Variants in PCDHGB1 observed in about 807,000 individuals in gnomAD.
The protein encoded by PCDHGB1 is protocadherin gamma-B1.
Under a neutral mutation model 56.6 loss-of-function variants are expected in PCDHGB1, and 34 were observed. That is an observed-to-expected ratio of 0.60 (90% CI 0.46 to 0.80). PCDHGB1 has a LOEUF of 0.80. Among genes scored for constraint, PCDHGB1 ranks in the 30% least tolerant of loss-of-function variants. The pLI is 0.00. For missense variants in PCDHGB1, 1,278 were observed against 1,204.6 expected, an observed-to-expected ratio of 1.06 and a Z score of -0.90; for synonymous variants, 561 against 505.9, an observed-to-expected ratio of 1.11 and a Z score of -1.46.
chr5:141,476,820 T>C lies in PCDHGB1; in HGVS notation c.2410-17987T>C, dbSNP rs368919360. 6.2e-7 allele frequency: 1 copy of C among 1,613,594 alleles called. No individual in the cohort carries two copies. Among genetic ancestry groups the C allele is most frequent in the African/African-American group, 1.3e-5 (1 of 75,066 alleles). The stretch of plus-strand genomic sequence containing the variant: ...AGCCTGCCTATTCACATCAAGGTGC[T>C]GGACGCGAATGACAATGCGCCTGTC... On this transcript the variant is annotated intron_variant, in intron 1 of 3. Transcript: ENST00000523390. This position sits in a 1 kb window ranked among gnomAD's most constrained non-coding sequence, Gnocchi z 7.6.
chr5:141,451,682 G>GA (rs1401536376), intron 1 of PCDHGB1, among the ~76,000 whole-genome samples: 1 of 152,128 alleles, frequency 6.6e-6, no homozygotes, highest in Non-Finnish European at 1.5e-5. Flanking sequence ...AGGAGTTCAA[G>GA]ACCAGCCTGG....
chr5:141,458,825 C>A (rs1417477907), intron 1 of PCDHGB1, among the ~76,000 whole-genome samples: 1 of 152,102 alleles, frequency 6.6e-6, no homozygotes, highest in Non-Finnish European at 1.5e-5. Context: ...CTCTGCCTCC[C>A]AGGCTCAAGT....
At chr5:141,410,847 G>GTTTT (rs773839667) in intron 1 of PCDHGB1, 2 of 158,344 alleles carry the variant, frequency 1.3e-5, no homozygotes, top group African/African-American at 1.7e-4. Context: ...TTTTGTCTTT[G>GTTTT]TCTTTTTTTT....
chr5:141,442,457 T>G (rs1209684998), intron 1 of PCDHGB1: 1 of 152,268 alleles, frequency 6.6e-6, no homozygotes, highest in African/African-American at 2.4e-5. Context: ...AATAGCAGTT[T>G]CACTGCAGAA....
intron 2 of PCDHGB1, among the ~76,000 whole-genome samples, chr5:141,501,728 C>A (rs1284130771): frequency 1.3e-5 from 2 of 152,134 alleles, no homozygotes; most frequent in East Asian, 1.9e-4. Flanking sequence ...ATATATTACC[C>A]AGTCAGCTTA....
At chr5:141,455,903 ATTTATTT>A (rs2098836354) in intron 1 of PCDHGB1, among the ~76,000 whole-genome samples, 1 of 145,228 alleles carries the variant, frequency 6.9e-6, no homozygotes, top group African/African-American at 2.7e-5. Context: ...TTATTTATTT[ATTTATTT>A]ATTTTGAGAC....
At chr5:141,450,772 C>T (rs544188262) in intron 1 of PCDHGB1, among the ~76,000 whole-genome samples, 1 of 151,944 alleles carries the variant, frequency 6.6e-6, no homozygotes, top group African/African-American at 2.4e-5. Flanking sequence ...CAGGCATGAG[C>T]CACCGTGCCC....
intron 1 of PCDHGB1, among the ~76,000 whole-genome samples, chr5:141,438,621 TATATATATATATATAC>T (rs1472935962): frequency 0.016 from 652 of 41,356 alleles, 15 homozygotes; most frequent in East Asian, 0.15. Flanking sequence ...TATATATATA[TATATATATATATATAC>T]ACACACACAC....
chr5:141,440,578 C>T (rs2098188646), intron 1 of PCDHGB1: 1 of 152,138 alleles, frequency 6.6e-6, no homozygotes, highest in Non-Finnish European at 1.5e-5. Flanking sequence ...CTGAGTTTAC[C>T]CAGCTGGAAC....
rs1338008428 is a variant in PCDHGB1 at position 141,374,930 on chromosome 5, A to G, written c.2409+22261A>G. The G allele has an allele frequency of 3.1e-6, 5 of 1,613,868 alleles. No homozygotes were observed. Among genetic ancestry groups the G allele is most frequent in the African/African-American group, 1.3e-5 (1 of 74,948 alleles). ...CGGGGAAGTAACTTATTCCTTTGTG[A>G]AGATTACAGAAAAGATCTCACAAAT... is the stretch of plus-strand genomic sequence containing the variant. On this transcript the variant is annotated intron_variant, in intron 1 of 3. Transcript: ENST00000523390.
At position 141,489,481 on chromosome 5, in the gene PCDHGB1, A is replaced by C; in HGVS notation, c.2410-5326A>C. 6.2e-7 allele frequency: 1 copy of C among 1,614,040 alleles called. No homozygotes were observed. The highest frequency in any genetic ancestry group is 8.5e-7 in the Non-Finnish European group (1 of 1,180,004). ...GCGCTATTTTTCCCTGAGCTTGATG[A>C]GTGGTGCCCTGGCAGTGAATCAAAA... is the stretch of plus-strand genomic sequence containing the variant. On this transcript the variant is annotated intron_variant, in intron 1 of 3. Transcript: ENST00000523390. The surrounding 1 kb of genome is among the most constrained non-coding windows in gnomAD (Gnocchi z 4.5).
At chr5:141,462,020 T>G (rs1371390043) in intron 1 of PCDHGB1, among the ~76,000 whole-genome samples, 6 of 152,110 alleles carry the variant, frequency 3.9e-5, no homozygotes, top group Non-Finnish European at 8.8e-5. Flanking sequence ...ACGGGGTTTC[T>G]TCATGTTGGT....
At chr5:141,473,801 T>C (rs1593456345) in intron 1 of PCDHGB1, among the ~76,000 whole-genome samples, 1 of 152,226 alleles carries the variant, frequency 6.6e-6, no homozygotes, top group East Asian at 1.9e-4. Flanking sequence ...ATGATGCTAC[T>C]GAGGAGCAGC....
intron 1 of PCDHGB1, among the ~76,000 whole-genome samples, chr5:141,443,905 A>G (rs963772369): frequency 6.6e-6 from 1 of 152,204 alleles, no homozygotes; most frequent in Admixed American, 6.5e-5. Context: ...TAGTAGGAAA[A>G]TTCATAAAAG....
chr5:141,491,152 G>A lies in PCDHGB1; in HGVS notation c.2410-3655G>A. 1 of 1,614,168 alleles carries A rather than the reference G, an allele frequency of 6.2e-7. No homozygotes were observed. The highest frequency in any genetic ancestry group is 8.5e-7 in the Non-Finnish European group (1 of 1,179,990). On this transcript the variant is annotated intron_variant, in intron 1 of 3. Transcript: ENST00000523390. The surrounding 1 kb of genome is among the most constrained non-coding windows in gnomAD (Gnocchi z 6.9). ...CACAGCCCGGGCCTTACTGGAGGAT[G>A]ACTCTGACACCCAGCAGGTGGTGGT...
chr5:141,500,501 G>T (rs571735791), intron 2 of PCDHGB1, among the ~76,000 whole-genome samples: 6 of 152,176 alleles, frequency 3.9e-5, no homozygotes, highest in Non-Finnish European at 8.8e-5. Context: ...GAGCCACCGC[G>T]CCTGGCCGAG....
chr5:141,426,717 G>A (rs974405285), intron 1 of PCDHGB1: 1 of 446,052 alleles, frequency 2.2e-6, no homozygotes, highest in African/African-American at 2.0e-5. Flanking sequence ...CAATGAACTA[G>A]CAATTCCAGG....
At chr5:141,416,400 C>CT (rs1028319330) in intron 1 of PCDHGB1, 1 of 152,036 alleles carries the variant, frequency 6.6e-6, no homozygotes, top group African/African-American at 2.4e-5. Flanking sequence ...CTGCTTTTGT[C>CT]TTTTTTGTTA....
intron 1 of PCDHGB1, among the ~76,000 whole-genome samples, chr5:141,455,808 A>G (rs2098832210): frequency 6.6e-6 from 1 of 152,050 alleles, no homozygotes; most frequent in Non-Finnish European, 1.5e-5. Flanking sequence ...TAAAAAATGA[A>G]AACTTCCCAA....
Sources: allele counts gnomAD v4.1 joint callset (sites outside exome capture counted in the v4.1 genomes callset), GRCh38; gene constraint gnomAD v4.1.1; non-coding constraint Gnocchi (gnomAD v3.1); transcripts MANE v1.5; gene names NCBI Gene and HGNC (gene_info 2026-07-23, HGNC 2026-07-21).